Variants in PNMA6E observed in about 807,000 individuals in gnomAD.
The protein encoded by PNMA6E is paraneoplastic antigen Ma6E.
For synonymous variants in PNMA6E, 43 were observed against 17.1 expected, an observed-to-expected ratio of 2.52 and a Z score of -3.74; for missense variants, 78 against 50.8, an observed-to-expected ratio of 1.53 and a Z score of -1.63.
rs782727693 is a variant in PNMA6E, at chrX:153,397,895, G to T, written c.955C>A (p.Arg319=). The T allele has an allele frequency of 2.9e-6, 1 of 341,530 alleles. No individual in the cohort carries two copies. The highest frequency in any genetic ancestry group is 5.1e-5 in the Admixed American group (1 of 19,668). 28.1% of individuals were successfully genotyped at this position (341,530 alleles called of 1,213,427 possible). A position where few individuals can be genotyped will look rare whatever the true frequency, so the allele number is the denominator to read the frequency against. The stretch of plus-strand genomic sequence containing the variant: ...CTCCTGGAAAAGGGTCTCAATTCCC[G>T]GTAGGCCCTGTTTTCCAGCACAGGC... ...LQPVLENRAY[R]ELRPFSRREQ... is the part of the protein sequence containing the mutation. The change falls in exon 2 of 2, where the codon CGG becomes AGG. Residue 319 remains arginine (R), a synonymous_variant. Coordinates refer to ENST00000445091, the MANE Select transcript of PNMA6E (RefSeq NM_001367770.1).
upstream of PNMA6E, chrX:153,404,280 T>C (rs1223624143): frequency 9.0e-6 from 1 of 110,936 alleles, no homozygotes; most frequent in African/African-American, 3.3e-5. Flanking sequence ...TTTATCTCCT[T>C]AAGAATATAT....
upstream of PNMA6E, among the ~76,000 whole-genome samples, chrX:153,402,927 C>G (rs781956598): frequency 6.2e-5 from 7 of 112,812 alleles, no homozygotes; most frequent in African/African-American, 2.2e-4. Context: ...ATGTTCTCTT[C>G]TTCTTCGAGT....
chrX:153,411,283 C>T, the PNMA6E span, among the ~76,000 whole-genome samples: 1 of 112,953 alleles, frequency 8.9e-6, no homozygotes, highest in Non-Finnish European at 1.9e-5. Context: ...CCGCGGTGCG[C>T]TGACCACTTC....
chrX:153,408,046 G>T, the PNMA6E span, among the ~76,000 whole-genome samples: 1 of 112,720 alleles, frequency 8.9e-6, no homozygotes, highest in Non-Finnish European at 1.9e-5. Context: ...CACTGGAGGG[G>T]GCACCATAAG....
At chrX:153,411,360 C>T in the PNMA6E span, among the ~76,000 whole-genome samples, 1 of 112,324 alleles carries the variant, frequency 8.9e-6, no homozygotes, top group Non-Finnish European at 1.9e-5. Context: ...GGAGCCAGGC[C>T]AGACGCCCCT....
At chrX:153,411,782 G>A in the PNMA6E span, among the ~76,000 whole-genome samples, 1 of 112,678 alleles carries the variant, frequency 8.9e-6, no homozygotes, top group Non-Finnish European at 1.9e-5. Context: ...GGTGTCGAGG[G>A]GGACGAGGGA....
At chrX:153,402,506 C>CAT (rs1381288649), upstream of PNMA6E, among the ~76,000 whole-genome samples, 2 of 111,163 alleles carry the variant, frequency 1.8e-5, no homozygotes, top group African/African-American at 3.3e-5. Context: ...CTATAGTTGT[C>CAT]ATATATATAT....
chrX:153,403,332 GT>G (rs782399801), upstream of PNMA6E, among the ~76,000 whole-genome samples: 2 of 111,835 alleles, frequency 1.8e-5, no homozygotes, highest in South Asian at 7.4e-4. Context: ...TTCCAATGTT[GT>G]TTTTCAGTTC....
the PNMA6E span, among the ~76,000 whole-genome samples, chrX:153,409,572 C>G: frequency 1.8e-5 from 2 of 113,185 alleles, no homozygotes; most frequent in Admixed American, 1.8e-4. Context: ...TTGTCAAGGT[C>G]GTCTTCACTT....
At chrX:153,412,424 G>A in the PNMA6E span, among the ~76,000 whole-genome samples, 4 of 112,639 alleles carry the variant, frequency 3.6e-5, no homozygotes, top group African/African-American at 1.3e-4. Flanking sequence ...GCCCTGCCCT[G>A]TTGTTCTCGT....
At chrX:153,412,987 T>G in the PNMA6E span, among the ~76,000 whole-genome samples, 2 of 111,448 alleles carry the variant, frequency 1.8e-5, no homozygotes, top group Non-Finnish European at 3.8e-5. Context: ...AGGGCCCCGG[T>G]CGACCCATGC....
rs1282634743 is a variant in PNMA6E, at chrX:153,395,757, CTCCTCCTGGGGTTCCTGGCAAGGCACG to C, written c.*1122_*1148del. On this transcript the variant is annotated 3_prime_UTR_variant, in exon 2 of 2. Transcript: ENST00000445091. ...CCACAGGACACAGGTCCCAGGCCCC[CTCCTCCTGGGGTTCCTGGCAAGGCACG>C]TCATCTGCTCCCCCTCCCGCTGCTG... is the stretch of plus-strand genomic sequence containing the variant. 8.9e-6 allele frequency: 1 copy of C among 112,655 alleles called. No individual in the cohort carries two copies. Among genetic ancestry groups the C allele is most frequent in the Non-Finnish European group, 1.9e-5 (1 of 53,074 alleles). The allele number at this position is 112,655 out of a possible 1,213,427, so 9.3% of individuals were successfully genotyped here.
the PNMA6E span, among the ~76,000 whole-genome samples, chrX:153,413,921 T>C: frequency 8.9e-6 from 1 of 112,519 alleles, no homozygotes; most frequent in Non-Finnish European, 1.9e-5. Context: ...CTTCCGATGC[T>C]GCACTTGAGT....
rs782727693 is a variant in PNMA6E, at chrX:153,397,895, G to A, written c.955C>T (p.Arg319Trp). The A allele has an allele frequency of 1.1e-4, 39 of 340,152 alleles. No individual in the cohort carries two copies. The highest frequency in any genetic ancestry group is 8.9e-4 in the East Asian group (20 of 22,588). 28.0% of individuals were successfully genotyped at this position (340,152 alleles called of 1,213,427 possible). The change falls in exon 2 of 2, where the codon CGG (arginine) becomes TGG (tryptophan). Residue 319 changes from arginine to tryptophan, a missense_variant. Transcript: ENST00000445091. Reference protein sequence around the residue: ...LQPVLENRAYRELRPFSRREQ... With the variant: ...LQPVLENRAYWELRPFSRREQ... ...CTCCTGGAAAAGGGTCTCAATTCCCGGTAGGCCCTGTTTTCCAGCACAGGC... is the reference window on the plus strand; with the variant it reads ...CTCCTGGAAAAGGGTCTCAATTCCCAGTAGGCCCTGTTTTCCAGCACAGGC...
chrX:153,408,692 C>CA, the PNMA6E span, among the ~76,000 whole-genome samples: 1 of 111,844 alleles, frequency 8.9e-6, no homozygotes, highest in Non-Finnish European at 1.9e-5. Flanking sequence ...GCAGGAGTTG[C>CA]AAAAACAGCT....
the PNMA6E span, among the ~76,000 whole-genome samples, chrX:153,408,881 C>T: frequency 8.9e-6 from 1 of 112,751 alleles, no homozygotes; most frequent in Non-Finnish European, 1.9e-5. Context: ...GGGAGAGGTG[C>T]CGCCCTGACC....
rs1176874389 is a variant in PNMA6E at position 153,396,732 on chromosome X, A to G, written c.*174T>C. On this transcript the variant is annotated 3_prime_UTR_variant, in exon 2 of 2. Coordinates refer to ENST00000445091, the MANE Select transcript of PNMA6E (RefSeq NM_001367770.1). ...CCTCTCCCCACCCCATTTTGTATCA[A>G]ACGTGGTCATCCGGGTCACAGGGAA... 17 of 288,095 alleles carry G rather than the reference A, an allele frequency of 5.9e-5. No individual in the cohort carries two copies. Among genetic ancestry groups the G allele is most frequent in the Non-Finnish European group, 1.0e-4 (17 of 165,156 alleles). The allele number at this position is 288,095 out of a possible 1,213,427, so 23.7% of individuals were successfully genotyped here.
At chrX:153,402,207 G>T (rs139946001), upstream of PNMA6E, among the ~76,000 whole-genome samples, 1,680 of 111,761 alleles carry the variant, frequency 0.015, 20 homozygotes, top group Non-Finnish European at 0.025. Flanking sequence ...TCTTTATTCT[G>T]TCAACTTTTG....
rs1179879498 is a variant in PNMA6E at position 153,397,478 on chromosome X, A to G, written c.1372T>C (p.Trp458Arg). 1.3e-5 allele frequency: 4 copies of G among 297,460 alleles called. No homozygotes were observed. The highest frequency in any genetic ancestry group is 8.1e-5 in the African/African-American group (3 of 36,921). 24.5% of individuals were successfully genotyped at this position (297,460 alleles called of 1,213,427 possible). The change falls in exon 2 of 2, where the codon TGG becomes CGG. Residue 458 changes from tryptophan (W) to arginine (R), a missense_variant. Transcript: ENST00000445091. ...TGGAGTGCCTCGCTGGGGCGGGCCC[A>G]AGACAGCACCTGCTGTAGTCGCAGG... The part of the protein sequence containing the change: ...NYLRLQQVLS[W>R]ARPSEALQDT...
Sources: allele counts gnomAD v4.1 joint callset (sites outside exome capture counted in the v4.1 genomes callset), GRCh38; gene constraint gnomAD v4.1.1; transcripts MANE v1.5; gene names NCBI Gene and HGNC (gene_info 2026-07-23, HGNC 2026-07-21).